The following ZNF10 variants were observed in gnomAD, a reference collection of about 807,000 sequenced individuals.
ZNF10 encodes the protein zinc finger protein 10, also known as zinc finger protein 10 (KOX 1).
A neutral mutation model predicts 12.2 loss-of-function variants in ZNF10; 8 were observed. That is an observed-to-expected ratio of 0.66 (90% CI 0.39 to 1.18). The LOEUF (loss-of-function observed/expected upper bound fraction) is 1.18, where lower values mean the gene tolerates loss of function less well. Among genes scored for constraint, ZNF10 ranks in the 50% most tolerant of loss-of-function variants. The pLI, the probability that ZNF10 is intolerant of heterozygous loss-of-function variation, is 0.01. For synonymous variants in ZNF10, 229 were observed against 228.2 expected (o/e 1.00, Z -0.03); for missense variants, 603 against 678.9 (o/e 0.89, Z 1.24).
chr12:133,138,391 A>G (rs1474452251), intron 1 of ZNF10, among the ~76,000 whole-genome samples: 1 of 151,150 alleles, frequency 6.6e-6, no homozygotes, highest in Non-Finnish European at 1.5e-5. Flanking sequence ...CCTGTCTAAA[A>G]AAAAAAAAAA....
rs568582957 is a variant in ZNF10, at chr12:133,156,899, G to A, written c.1653G>A (p.Gly551=). 2 of 1,512,820 alleles carry A rather than the reference G, an allele frequency of 1.3e-6. No individual in the cohort carries two copies. Among genetic ancestry groups the A allele is most frequent in the Admixed American group, 2.3e-5 (1 of 43,284 alleles). 93.7% of individuals were successfully genotyped at this position (1,512,820 alleles called of 1,614,324 possible). A position where few individuals can be genotyped will look rare whatever the true frequency, so the allele number is the denominator to read the frequency against. The change falls in exon 5 of 5, where the codon GGG becomes GGA. Residue 551 remains glycine (G), a synonymous_variant. Transcript: ENST00000248211. The part of the protein sequence containing the change: ...GEQFLTCNQC[G]TALVNTSNLI... Reference sequence around the variant, plus strand: ...AGTTCTTAACATGCAATCAATGTGGGACAGCGCTTGTTAATACCTCTAACC... The same window carrying A: ...AGTTCTTAACATGCAATCAATGTGGAACAGCGCTTGTTAATACCTCTAACC...
Position 133,156,987 on chromosome 12 carries a change from A to G in ZNF10, c.*19A>G, listed in dbSNP as rs1956046922. Reference sequence around the variant, plus strand: ...TTACTAATAAATATGGGAATTTTTCACAAAGAGCAATGACTTTATTTTGCA... The same window carrying G: ...TTACTAATAAATATGGGAATTTTTCGCAAAGAGCAATGACTTTATTTTGCA... On this transcript the variant is annotated 3_prime_UTR_variant, in exon 5 of 5. Transcript: ENST00000248211. 1 of 1,411,624 alleles carries G rather than the reference A, an allele frequency of 7.1e-7. No homozygotes were observed. Among genetic ancestry groups the G allele is most frequent in the Non-Finnish European group, 9.3e-7 (1 of 1,080,402 alleles). 87.4% of individuals were successfully genotyped at this position (1,411,624 alleles called of 1,614,324 possible).
chr12:133,156,959 T>C lies in ZNF10; in HGVS notation c.1713T>C (p.Asn571=). The C allele has an allele frequency of 1.4e-6, 2 of 1,416,228 alleles. No homozygotes were observed. Among genetic ancestry groups the C allele is most frequent in the African/African-American group, 1.5e-5 (1 of 68,900 alleles). The allele number at this position is 1,416,228 out of a possible 1,614,324, so 87.7% of individuals were successfully genotyped here. Residue 571 remains asparagine (N), a synonymous_variant, in exon 5 of 5, where the codon AAT becomes AAC. Coordinates refer to ENST00000248211, the MANE Select transcript of ZNF10 (RefSeq NM_015394.5). ...IGYQTNHIRE[N]AY The stretch of plus-strand genomic sequence containing the variant: ...ACCAGACAAATCATATTAGAGAAAA[T>C]GCTTACTAATAAATATGGGAATTTT...
chr12:133,152,003 C>T, intron 4 of ZNF10, 99 bp downstream of exon 4: 1 of 865,732 alleles, frequency 1.2e-6, no homozygotes, highest in Non-Finnish European at 1.8e-6. Flanking sequence ...CTCACAGGCC[C>T]TTCTTCCTGG....
chr12:133,152,476 G>A (rs566607205), intron 4 of ZNF10, among the ~76,000 whole-genome samples: 11 of 152,166 alleles, frequency 7.2e-5, no homozygotes, highest in South Asian at 2.1e-4. Context: ...GTGTAGTGGC[G>A]CGATCTAGGC....
Position 133,144,438 on chromosome 12 carries a change from G to C in ZNF10, c.-55G>C. Reference sequence around the variant, plus strand: ...ATGTTTCTTTCTTTTTCCCAGCTTTGTCTCCTCAGCACTCTGCTGTCACTC... The same window carrying C: ...ATGTTTCTTTCTTTTTCCCAGCTTTCTCTCCTCAGCACTCTGCTGTCACTC... On this transcript the variant is annotated 5_prime_UTR_variant, in exon 2 of 5. Coordinates refer to ENST00000248211, the MANE Select transcript of ZNF10 (RefSeq NM_015394.5). 1 of 1,575,654 alleles carries C rather than the reference G, an allele frequency of 6.3e-7. No homozygotes were observed. The highest frequency in any genetic ancestry group is 8.7e-7 in the Non-Finnish European group (1 of 1,155,576).
chr12:133,137,135 A>G (rs533341951), intron 1 of ZNF10, among the ~76,000 whole-genome samples: 2 of 152,284 alleles, frequency 1.3e-5, no homozygotes, highest in East Asian at 3.9e-4. Flanking sequence ...GATCCTACCC[A>G]AATCTACCTG....
chr12:133,149,403 GCTAGAGTACAGTGGTGTGATCACAGC>G (rs1227041210), intron 2 of ZNF10, among the ~76,000 whole-genome samples: 1 of 141,228 alleles, frequency 7.1e-6, no homozygotes, highest in Non-Finnish European at 1.5e-5. Flanking sequence ...TGTTGCACAG[GCTAGAGTACAGTGGTGTGATCACAGC>G]CCACTGTAAC....
intron 4 of ZNF10, among the ~76,000 whole-genome samples, chr12:133,154,754 C>G (rs1293586768): frequency 1.3e-5 from 2 of 152,128 alleles, no homozygotes; most frequent in East Asian, 3.9e-4. Context: ...AAAGCATTGC[C>G]TGACGTATGG....
At chr12:133,140,699 A>C (rs915060192) in intron 1 of ZNF10, among the ~76,000 whole-genome samples, 8 of 152,052 alleles carry the variant, frequency 5.3e-5, no homozygotes, top group African/African-American at 1.9e-4. Context: ...AGATTTTTTT[A>C]ATTTCCATTT....
At chr12:133,149,145 G>C (rs1277667466) in intron 2 of ZNF10, among the ~76,000 whole-genome samples, 1 of 151,972 alleles carries the variant, frequency 6.6e-6, no homozygotes, top group Non-Finnish European at 1.5e-5. Context: ...AGGCTGGAGT[G>C]CAGTGGTGCT....
Position 133,156,071 on chromosome 12 carries a change from C to G in ZNF10, c.825C>G (p.Ser275Arg). 1 of 1,613,364 alleles carries G rather than the reference C, an allele frequency of 6.2e-7. No individual in the cohort carries two copies. Among genetic ancestry groups the G allele is most frequent in the Non-Finnish European group, 8.5e-7 (1 of 1,179,938 alleles). Residue 275 changes from serine (S) to arginine (R), a missense_variant, in exon 5 of 5, where the codon AGC becomes AGG. Around this residue, in one of 3 missense-constraint regions of ZNF10, gnomAD observed 393 missense variants for 399.7 expected, o/e 0.98. Transcript: ENST00000248211. ...YECKECGKFF[S>R]WRSNLTRHQL... ...GTAAGGAATGTGGAAAATTCTTCAG[C>G]TGGCGCTCTAATCTTACTAGGCATC...
At position 133,157,736 on chromosome 12, in the gene ZNF10, T is replaced by A. The variant is rs1281035534; in HGVS notation, c.*768T>A. 1 of 152,224 alleles carries A rather than the reference T, an allele frequency of 6.6e-6. No individual in the cohort carries two copies. Among genetic ancestry groups the A allele is most frequent in the Non-Finnish European group, 1.5e-5 (1 of 68,038 alleles). 9.4% of individuals were successfully genotyped at this position (152,224 alleles called of 1,614,324 possible). A position where few individuals can be genotyped will look rare whatever the true frequency, so the allele number is the denominator to read the frequency against. ...CTCTATTCTACCATCAAAGAAGCTT[T>A]TGAGTACCACCTGTTAATGAGCTTT... On this transcript the variant is annotated 3_prime_UTR_variant, in exon 5 of 5. Coordinates refer to ENST00000248211, the MANE Select transcript of ZNF10 (RefSeq NM_015394.5).
chr12:133,149,352 C>CTTTTTT (rs144304054), intron 2 of ZNF10, among the ~76,000 whole-genome samples: 75 of 85,770 alleles, frequency 8.7e-4, no homozygotes, highest in Non-Finnish European at 1.2e-3. Flanking sequence ...TTTGCTATTG[C>CTTTTTT]TTTTTTTTTT....
At chr12:133,134,729 G>A (rs570895626) in intron 1 of ZNF10, among the ~76,000 whole-genome samples, 4 of 152,266 alleles carry the variant, frequency 2.6e-5, no homozygotes, top group Non-Finnish European at 5.9e-5. Flanking sequence ...AAGAAAAATG[G>A]AGTGATTATA....
At position 133,159,168 on chromosome 12, in the gene ZNF10, ATAT is replaced by A. The variant is rs1354121470; in HGVS notation, c.*2203_*2205del. On this transcript the variant is annotated 3_prime_UTR_variant, in exon 5 of 5. Transcript: ENST00000248211. ...TGGCACATAGTAGGTGCCATTAATA[ATAT>A]TACTATTGTTAACACCTTAAGGGTC... is the stretch of plus-strand genomic sequence containing the variant. The A allele has an allele frequency of 5.9e-5, 9 of 152,260 alleles. No homozygotes were observed. Among genetic ancestry groups the A allele is most frequent in the Non-Finnish European group, 1.3e-4 (9 of 68,038 alleles). The allele number at this position is 152,260 out of a possible 1,614,324, so 9.4% of individuals were successfully genotyped here.
chr12:133,156,158 G>C lies in ZNF10; in HGVS notation c.912G>C (p.Arg304=), dbSNP rs1218238189. Residue 304 remains arginine (R), a synonymous_variant, in exon 5 of 5, where the codon CGG becomes CGC. Transcript: ENST00000248211. ...ECKECGKSFS[R]SSHLIGHQKT... ...AAGAATGTGGAAAGTCTTTCAGCCG[G>C]AGTTCTCACCTCATTGGACATCAAA... 1 of 1,613,654 alleles carries C rather than the reference G, an allele frequency of 6.2e-7. No individual in the cohort carries two copies. Among genetic ancestry groups the C allele is most frequent in the South Asian group, 1.1e-5 (1 of 91,076 alleles).
At chr12:133,143,581 A>G (rs987001395) in intron 1 of ZNF10, 7 of 152,258 alleles carry the variant, frequency 4.6e-5, no homozygotes, top group African/African-American at 1.7e-4. Context: ...ATCTGGATCT[A>G]CACAAACGAG....
chr12:133,155,328 C>T (rs1228237096), intron 4 of ZNF10, among the ~76,000 whole-genome samples, 175 bp from the exon 5 acceptor site: 1 of 152,118 alleles, frequency 6.6e-6, no homozygotes, highest in African/African-American at 2.4e-5. Flanking sequence ...TACTGTATAC[C>T]ACAATGCATT....
Sources: gnomAD v4.1 joint callset for allele counts (sites outside exome capture counted in the v4.1 genomes callset) on GRCh38, gnomAD v4.1.1 for gene constraint, gnomAD v4.1.1 regional missense constraint, MANE v1.5 for transcripts, NCBI Gene and HGNC (gene_info 2026-07-23, HGNC 2026-07-21) for gene names.